ADGRV1: variants seen among roughly 807,000 people sequenced by gnomAD.
ADGRV1 encodes the protein adhesion G protein-coupled receptor V1.
Under a neutral mutation model 596.2 loss-of-function variants are expected in ADGRV1, and 359 were observed. The ratio of observed to expected loss-of-function variants is 0.60; its 90% CI spans 0.55 to 0.66. The LOEUF is 0.66. Ranked by LOEUF, ADGRV1 falls within the 30% of genes least tolerant of loss-of-function variation. The probability of loss-of-function intolerance (pLI) is 0.00; values close to 1 mark genes in which losing one functional copy is unlikely to be tolerated. For synonymous variants in ADGRV1, 2,681 were observed against 2,679.2 expected, an observed-to-expected ratio of 1.00 and a Z score of -0.02; for missense variants, 7,274 against 7,575.6, an observed-to-expected ratio of 0.96 and a Z score of 1.48.
chr5:90,935,873 G>C (rs939457564), intron 83 of ADGRV1, among the ~76,000 whole-genome samples: 1 of 152,184 alleles, frequency 6.6e-6, no homozygotes, highest in African/African-American at 2.4e-5. Flanking sequence ...AGCTACCCAG[G>C]AGGCTAAGGC....
chr5:91,159,380 A>G (rs1027239279), intron 89 of ADGRV1, among the ~76,000 whole-genome samples: 3 of 152,246 alleles, frequency 2.0e-5, no homozygotes, highest in Non-Finnish European at 4.4e-5. Context: ...ACTTTGTTGC[A>G]TACTTCAAAC....
chr5:90,773,356 C>T (rs2150058659), intron 59 of ADGRV1, among the ~76,000 whole-genome samples: 1 of 151,876 alleles, frequency 6.6e-6, no homozygotes, highest in East Asian at 1.9e-4. Flanking sequence ...AATAAAAGAC[C>T]ATTTGTTGTC....
At chr5:90,594,961 G>A (rs1237219674) in intron 1 of ADGRV1, among the ~76,000 whole-genome samples, 8 of 146,578 alleles carry the variant, frequency 5.5e-5, no homozygotes, top group South Asian at 4.4e-4. Context: ...CCACAAAGCC[G>A]CCATTGTCAT....
chr5:90,642,564 C>T, intron 11 of ADGRV1, 72 bp from the exon 12 acceptor site: 2 of 1,522,372 alleles, frequency 1.3e-6, no homozygotes, highest in Non-Finnish European at 1.8e-6. Context: ...GTAAATATTG[C>T]CTTAAAAGCC....
At chr5:90,901,342 C>A (rs1437165208) in intron 83 of ADGRV1, among the ~76,000 whole-genome samples, 1 of 152,164 alleles carries the variant, frequency 6.6e-6, no homozygotes, top group Non-Finnish European at 1.5e-5. Context: ...AGGCCAACTT[C>A]AAGCCAATGG....
In ADGRV1 at chr5:90,840,663, T is replaced by C. The variant is rs935118774; in HGVS notation, c.16697T>C (p.Leu5566Ser). The C allele has an allele frequency of 1.2e-6, 2 of 1,614,016 alleles. No homozygotes were observed. The highest frequency in any genetic ancestry group is 1.7e-6 in the Non-Finnish European group (2 of 1,179,848). ...GATTTTGTGATAACTGAAGGCACAT[T>C]GGTCTTTGAACCTGGCCAGAGAAGC... ...GKDFVITEGTLVFEPGQRSTV... is the reference protein window; with the variant it reads ...GKDFVITEGTSVFEPGQRSTV... Residue 5566 changes from leucine (L) to serine (S), a missense_variant, in exon 78 of 90, where the codon TTG (leucine) becomes TCG (serine). Physicochemically the swap from Leu to Ser is moderately radical, Grantham distance 145. Around this residue, in one of 5 missense-constraint regions of ADGRV1, gnomAD observed 1,874 missense variants for 1,970.2 expected, o/e 0.95. Transcript: ENST00000405460.
At chr5:90,647,785 T>A in intron 17 of ADGRV1, 21 bp downstream of exon 17, 1 of 1,601,652 alleles carries the variant, frequency 6.2e-7, no homozygotes, top group Non-Finnish European at 8.5e-7. Context: ...TATGCTTTTT[T>A]ATGGCAGATC....
intron 78 of ADGRV1, among the ~76,000 whole-genome samples, chr5:90,842,010 T>C (rs755951185): frequency 3.9e-5 from 6 of 152,230 alleles, no homozygotes; most frequent in Non-Finnish European, 4.4e-5. Flanking sequence ...ACTTGAATTT[T>C]CTAATGGCCC....
At chr5:90,887,393 T>A (rs1770410962) in intron 83 of ADGRV1, among the ~76,000 whole-genome samples, 2 of 152,178 alleles carry the variant, frequency 1.3e-5, no homozygotes, top group African/African-American at 2.4e-5. Context: ...TCCAACAGAC[T>A]GTATTCTCTC....
At chr5:90,705,253 G>T in intron 36 of ADGRV1, 147 bp from the exon 37 acceptor site, 1 of 616,548 alleles carries the variant, frequency 1.6e-6, no homozygotes. Flanking sequence ...AAGAAAAATG[G>T]AATGTGGCTT....
intron 42 of ADGRV1, among the ~76,000 whole-genome samples, chr5:90,715,310 A>G (rs1044030428): frequency 2.0e-5 from 3 of 152,204 alleles, no homozygotes; most frequent in Non-Finnish European, 4.4e-5. Flanking sequence ...CCTCTTAGAC[A>G]CTGGGTTGAA....
chr5:90,867,925 A>C (rs1219799683), intron 83 of ADGRV1, among the ~76,000 whole-genome samples: 1 of 152,208 alleles, frequency 6.6e-6, no homozygotes, highest in Non-Finnish European at 1.5e-5. Flanking sequence ...TTTAAGTACA[A>C]GGATCAAAAT....
intron 85 of ADGRV1, among the ~76,000 whole-genome samples, chr5:91,002,744 T>A (rs1176371867): frequency 6.6e-6 from 1 of 152,182 alleles, no homozygotes; most frequent in Non-Finnish European, 1.5e-5. Context: ...TGGGGCCTCA[T>A]GTTGTCCAAT....
intron 4 of ADGRV1, among the ~76,000 whole-genome samples, chr5:90,622,043 G>C (rs557294919): frequency 1.3e-5 from 2 of 152,176 alleles, no homozygotes; most frequent in African/African-American, 4.8e-5. Flanking sequence ...GGCTGTGTCC[G>C]TGTTCCTCCT....
chr5:91,134,621 A>G (rs1794484170), intron 87 of ADGRV1, among the ~76,000 whole-genome samples: 1 of 152,262 alleles, frequency 6.6e-6, no homozygotes, highest in Admixed American at 6.5e-5. Context: ...GTAAATAAAT[A>G]TTAATGAATT....
chr5:90,901,515 A>G (rs997754691), intron 83 of ADGRV1, among the ~76,000 whole-genome samples: 1 of 152,096 alleles, frequency 6.6e-6, no homozygotes, highest in African/African-American at 2.4e-5. Flanking sequence ...AATCCATTTG[A>G]CTTTTGCTCC....
At position 90,783,327 on chromosome 5, in the gene ADGRV1, T is replaced by C; in HGVS notation, c.13433+2T>C. 4 of 1,592,174 alleles carry C rather than the reference T, an allele frequency of 2.5e-6. No homozygotes were observed. Among genetic ancestry groups the C allele is most frequent in the Non-Finnish European group, 3.4e-6 (4 of 1,161,492 alleles). On this transcript the variant is annotated splice_donor_variant, in intron 66 of 89. Transcript: ENST00000405460. LOFTEE classifies it high-confidence loss of function. The stretch of plus-strand genomic sequence containing the variant: ...CTCCATCATTGATGACAATGAAAGG[T>C]TGGTATATAGAAAATAATGTGGGCA...
intron 76 of ADGRV1, among the ~76,000 whole-genome samples, chr5:90,826,261 G>T (rs1449388701): frequency 1.3e-5 from 2 of 152,074 alleles, no homozygotes; most frequent in African/African-American, 4.8e-5. Context: ...TCTGTAGTGG[G>T]CTTTGAGAAA....
At chr5:91,067,846 G>A (rs965845289) in intron 85 of ADGRV1, among the ~76,000 whole-genome samples, 11 of 152,202 alleles carry the variant, frequency 7.2e-5, no homozygotes, top group Admixed American at 3.3e-4. Flanking sequence ...GTGACCATTT[G>A]AAGCCAATAT....
Sources: gnomAD v4.1 joint callset for allele counts (sites outside exome capture counted in the v4.1 genomes callset) on GRCh38, gnomAD v4.1.1 for gene constraint, gnomAD v4.1.1 regional missense constraint, MANE v1.5 for transcripts, NCBI Gene and HGNC (gene_info 2026-07-23, HGNC 2026-07-21) for gene names.